Variants in TBCD observed in about 807,000 individuals in gnomAD.
The protein encoded by TBCD is tubulin folding cofactor D, also known as tubulin-specific chaperone D.
Under a neutral mutation model 169.3 loss-of-function variants are expected in TBCD, and 105 were observed. The observed-to-expected ratio is 0.62, with a 90% CI of 0.53 to 0.73. The LOEUF is 0.73. Among genes scored for constraint, TBCD ranks in the 30% least tolerant of loss-of-function variants. TBCD has a pLI of 0.00. For synonymous variants in TBCD, 700 were observed against 643.9 expected (o/e 1.09, Z -1.32); for missense variants, 1,444 against 1,600.1 (o/e 0.90, Z 1.66).
chr17:82,891,562 C>T (rs754577181), intron 16 of TBCD, among the ~76,000 whole-genome samples: 2 of 152,188 alleles, frequency 1.3e-5, no homozygotes, highest in Admixed American at 6.5e-5. Context: ...AGAAGAAGGT[C>T]GAGAACTTGG....
chr17:82,937,896 C>T lies in TBCD; in HGVS notation c.3282-153C>T, dbSNP rs1460822850. ...TGTGTAGGCACAGTGCAGATGTACG[C>T]ACACACACACCTCCGGCTTGGGGCC... is the stretch of plus-strand genomic sequence containing the variant. On this transcript the variant is annotated intron_variant, in intron 35 of 38. Transcript: ENST00000355528. The T allele has an allele frequency of 4.6e-6, 7 of 1,528,892 alleles. No individual in the cohort carries two copies. In the African/African-American group the frequency reaches 6.9e-5, roughly 15 times the overall value. The allele number at this position is 1,528,892 out of a possible 1,614,324, so 94.7% of individuals were successfully genotyped here. A position where few individuals can be genotyped will look rare whatever the true frequency, so the allele number is the denominator to read the frequency against.
chr17:82,881,919 C>CTCCTCCCT (rs1210610624), intron 14 of TBCD, among the ~76,000 whole-genome samples: 1 of 150,510 alleles, frequency 6.6e-6, no homozygotes, highest in Non-Finnish European at 1.5e-5. Context: ...CCCCTCTCCC[C>CTCCTCCCT]TCCTCCCTTC....
intron 2 of TBCD, among the ~76,000 whole-genome samples, chr17:82,759,880 G>A (rs910215524): frequency 5.4e-5 from 7 of 129,140 alleles, no homozygotes; most frequent in Admixed American, 8.4e-5. Context: ...GGGTCATTTC[G>A]TTTGTTTGTT....
At chr17:82,854,697 C>T (rs553695206) in intron 13 of TBCD, among the ~76,000 whole-genome samples, 13 of 152,288 alleles carry the variant, frequency 8.5e-5, no homozygotes, top group Non-Finnish European at 1.9e-4. Context: ...AGTGTAAGAG[C>T]ACGGTGCTGG....
In TBCD at chr17:82,945,790, G is replaced by A. The variant is rs1209389543; in HGVS notation, c.*3327G>A. 1 of 152,196 alleles carries A rather than the reference G, an allele frequency of 6.6e-6. No homozygotes were observed. Among genetic ancestry groups the A allele is most frequent in the Non-Finnish European group, 1.5e-5 (1 of 68,038 alleles). 9.4% of individuals were successfully genotyped at this position (152,196 alleles called of 1,614,324 possible). On this transcript the variant is annotated 3_prime_UTR_variant, in exon 39 of 39. Transcript: ENST00000355528. ...CCAGACACTGCCAAATATCTTCTGG[G>A]GGTGCCCCTGGTTGAGAACCACTGC...
At chr17:82,839,179 G>C (rs2054245813) in intron 13 of TBCD, among the ~76,000 whole-genome samples, 1 of 152,130 alleles carries the variant, frequency 6.6e-6, no homozygotes, top group Non-Finnish European at 1.5e-5. Context: ...AGTTAAACTA[G>C]ATAGTAAATT....
chr17:82,934,752 G>A (rs937136647), intron 34 of TBCD, among the ~76,000 whole-genome samples: 2 of 152,056 alleles, frequency 1.3e-5, no homozygotes, highest in African/African-American at 2.4e-5. Flanking sequence ...GATTATAGGC[G>A]TGAGCCACCG....
At chr17:82,776,085 G>A (rs903789224) in intron 6 of TBCD, among the ~76,000 whole-genome samples, 1 of 152,114 alleles carries the variant, frequency 6.6e-6, no homozygotes, top group African/African-American at 2.4e-5. Flanking sequence ...TGGGCATGGT[G>A]GTGCGTGCCT....
chr17:82,816,268 G>A (rs1193599679), intron 13 of TBCD, among the ~76,000 whole-genome samples: 1 of 152,142 alleles, frequency 6.6e-6, no homozygotes, highest in Non-Finnish European at 1.5e-5. Flanking sequence ...TGCACCACAC[G>A]CCACGTTTTG....
chr17:82,797,831 T>G (rs1253169421), intron 8 of TBCD, 29 bp downstream of exon 8: 2 of 1,542,146 alleles, frequency 1.3e-6, no homozygotes, highest in African/African-American at 2.8e-5. Context: ...AGACGATATC[T>G]TTGTGATGTG....
At chr17:82,860,218 C>T (rs558650574) in intron 13 of TBCD, among the ~76,000 whole-genome samples, 3 of 152,354 alleles carry the variant, frequency 2.0e-5, no homozygotes, top group African/African-American at 4.8e-5. Flanking sequence ...TAGCTGTGGG[C>T]GTTCCGAGTG....
intron 11 of TBCD, among the ~76,000 whole-genome samples, 177 bp from the exon 12 acceptor site, chr17:82,809,531 C>A (rs539822338): frequency 6.6e-6 from 1 of 152,150 alleles, no homozygotes; most frequent in Non-Finnish European, 1.5e-5. Flanking sequence ...GCTCCTTTAC[C>A]CTGCAGCGTG....
chr17:82,817,535 G>A (rs994688567), intron 13 of TBCD, among the ~76,000 whole-genome samples: 4 of 152,016 alleles, frequency 2.6e-5, no homozygotes, highest in African/African-American at 4.8e-5. Context: ...GAGCTCAAGC[G>A]ATCCCCCCGC....
At position 82,920,971 on chromosome 17, in the gene TBCD, C is replaced by G; in HGVS notation, c.2101+353C>G. The G allele has an allele frequency of 3.2e-6, 1 of 313,710 alleles. No individual in the cohort carries two copies. Among genetic ancestry groups the G allele is most frequent in the Non-Finnish European group, 5.9e-6 (1 of 169,840 alleles). 19.4% of individuals were successfully genotyped at this position (313,710 alleles called of 1,614,324 possible). On this transcript the variant is annotated intron_variant, in intron 24 of 38. Coordinates refer to ENST00000355528, the MANE Select transcript of TBCD (RefSeq NM_005993.5). The surrounding 1 kb of genome is among the most constrained non-coding windows in gnomAD (Gnocchi z 4.1). ...CCAGGAGCGTGCCGGCCGCCGACAC[C>G]ACGGACCCTGTGGGCAGAGGCGGCT...
At position 82,944,219 on chromosome 17, in the gene TBCD, G is replaced by C. The variant is rs531503560; in HGVS notation, c.*1756G>C. 2.0e-5 allele frequency: 3 copies of C among 152,202 alleles called. No homozygotes were observed. The South Asian group carries it at 6.2e-4, about 32-fold the overall frequency. The allele number at this position is 152,202 out of a possible 1,614,324, so 9.4% of individuals were successfully genotyped here. On this transcript the variant is annotated 3_prime_UTR_variant, in exon 39 of 39. Transcript: ENST00000355528. ...GCAAAGCAGTTCTTCTTTTAATGTC[G>C]GTCTAACTTAGCAACCCGAGGAAAG...
At chr17:82,867,804 C>T (rs1030829903) in intron 13 of TBCD, among the ~76,000 whole-genome samples, 2 of 152,250 alleles carry the variant, frequency 1.3e-5, no homozygotes, top group Non-Finnish European at 2.9e-5. Context: ...GAGAGATACT[C>T]TTGCAAATCA....
chr17:82,850,066 C>CTGTTGGCTGTGTTGT (rs2055579550), intron 13 of TBCD, among the ~76,000 whole-genome samples: 1 of 12,090 alleles, frequency 8.3e-5, no homozygotes, highest in Non-Finnish European at 1.8e-4. Flanking sequence ...GGCTGTGCTG[C>CTGTTGGCTGTGTTGT]TGTTGGCTGT....
At chr17:82,938,243 C>CCA in intron 36 of TBCD, 107 bp downstream of exon 36, 8 of 1,293,356 alleles carry the variant, frequency 6.2e-6, no homozygotes, top group Non-Finnish European at 8.7e-6. Context: ...TCCAGCCGAG[C>CCA]CCCTCTCGTT....
chr17:82,753,009 C>G (rs1234023463), intron 1 of TBCD, among the ~76,000 whole-genome samples: 1 of 152,168 alleles, frequency 6.6e-6, no homozygotes, highest in Admixed American at 6.5e-5. Flanking sequence ...TTCGATGAGT[C>G]TAAATTCTCC....
Sources: gnomAD v4.1 joint callset for allele counts (sites outside exome capture counted in the v4.1 genomes callset) on GRCh38, gnomAD v4.1.1 for gene constraint, Gnocchi (gnomAD v3.1) non-coding constraint, MANE v1.5 for transcripts, NCBI Gene and HGNC (gene_info 2026-07-23, HGNC 2026-07-21) for gene names.